CDH13: variants seen among roughly 807,000 people sequenced by gnomAD.
CDH13 encodes cadherin 13.
In CDH13, 24 loss-of-function variants were observed where a neutral mutation model predicts 63.8. The observed-to-expected ratio is 0.38, with a 90% CI of 0.27 to 0.53. The LOEUF (loss-of-function observed/expected upper bound fraction) is 0.53. Ranked by LOEUF, CDH13 falls within the 20% of genes least tolerant of loss-of-function variation. The pLI is 0.85. For synonymous variants in CDH13, 503 were observed against 355.3 expected, an observed-to-expected ratio of 1.42 and a Z score of -4.67; for missense variants, 1,049 against 903.1, an observed-to-expected ratio of 1.16 and a Z score of -2.07.
chr16:83,793,121 C>A (rs1474034125), intron 13 of CDH13, among the ~76,000 whole-genome samples: 1 of 152,002 alleles, frequency 6.6e-6, no homozygotes, highest in African/African-American at 2.4e-5. Flanking sequence ...TTTGATGGAG[C>A]AAGACTGTAA....
At chr16:82,959,981 C>T (rs1172277408) in intron 2 of CDH13, among the ~76,000 whole-genome samples, 3 of 152,132 alleles carry the variant, frequency 2.0e-5, no homozygotes, top group Admixed American at 6.5e-5. Flanking sequence ...TTTAAAAAAA[C>T]ATTGCTAAAC....
At chr16:83,189,097 G>C (rs184163906) in intron 4 of CDH13, among the ~76,000 whole-genome samples, 10 of 152,328 alleles carry the variant, frequency 6.6e-5, no homozygotes, top group Non-Finnish European at 1.2e-4. Flanking sequence ...TCGATGCCCT[G>C]TTTCAACAAA....
chr16:83,106,165 C>G (rs1235021838), intron 3 of CDH13, among the ~76,000 whole-genome samples: 3 of 152,182 alleles, frequency 2.0e-5, no homozygotes, highest in African/African-American at 4.8e-5. Flanking sequence ...TACAGAAAAA[C>G]AAGCAAAAGC....
intron 1 of CDH13, among the ~76,000 whole-genome samples, chr16:82,629,787 GT>G (rs1195177059): frequency 1.3e-5 from 2 of 152,222 alleles, no homozygotes; most frequent in Non-Finnish European, 2.9e-5. Flanking sequence ...CCCCTGGGGT[GT>G]TTTGGGAAAG....
Position 82,963,669 on chromosome 16 carries a change from C to G in CDH13, c.158-68341C>G, listed in dbSNP as rs528884393. 2.0e-5 allele frequency among the ~76,000 whole-genome samples: 3 copies of G among 152,320 alleles called. No individual in the cohort carries two copies. In the South Asian group the frequency reaches 6.2e-4, roughly 32 times the overall value. ...ATGGGGAGAGAGCGCATATCTGCTT[C>G]GTATTTCCCCCCTAAATCCTCAACA... On this transcript the variant is annotated intron_variant, in intron 2 of 13. Transcript: ENST00000567109.
chr16:83,676,997 C>G lies in CDH13; in HGVS notation c.1285-1211C>G, dbSNP rs1487098776. On this transcript the variant is annotated intron_variant, in intron 9 of 13. Coordinates refer to ENST00000567109, the MANE Select transcript of CDH13 (RefSeq NM_001257.5). ...TTTTAGTTGAGTGTAAATCAAATCTCTTGACTTATTTAGTCTTGTCCTTCT... is the reference window on the plus strand; with the variant it reads ...TTTTAGTTGAGTGTAAATCAAATCTGTTGACTTATTTAGTCTTGTCCTTCT... Among the ~76,000 whole-genome samples the G allele has an allele frequency of 3.9e-5, 6 of 152,314 alleles. No homozygotes were observed. In the South Asian group the frequency reaches 1.2e-3, roughly 32 times the overall value.
intron 2 of CDH13, among the ~76,000 whole-genome samples, chr16:82,942,257 G>A (rs760164811): frequency 3.9e-5 from 6 of 152,096 alleles, no homozygotes; most frequent in African/African-American, 9.7e-5. Flanking sequence ...AGTTGCTGCC[G>A]CAAAATGTAT....
intron 4 of CDH13, among the ~76,000 whole-genome samples, chr16:83,216,421 T>TAA (rs1291128489): frequency 5.1e-5 from 5 of 98,418 alleles, no homozygotes; most frequent in African/African-American, 1.1e-4. Context: ...TATATATATA[T>TAA]ATATATATAT....
intron 7 of CDH13, among the ~76,000 whole-genome samples, chr16:83,522,836 C>G (rs1290771817): frequency 6.6e-6 from 1 of 152,162 alleles, no homozygotes; most frequent in Admixed American, 6.5e-5. Flanking sequence ...TTCAATTCCC[C>G]TCCACCCCAA....
intron 2 of CDH13, among the ~76,000 whole-genome samples, chr16:82,876,909 T>A (rs1455982219): frequency 6.6e-6 from 1 of 152,126 alleles, no homozygotes; most frequent in East Asian, 1.9e-4. Context: ...AGAAAAAAAG[T>A]ATCTGGGAAC....
At chr16:83,024,138 G>A (rs879442248) in intron 2 of CDH13, among the ~76,000 whole-genome samples, 43 of 152,286 alleles carry the variant, frequency 2.8e-4, no homozygotes, top group African/African-American at 9.9e-4. Flanking sequence ...GGGTTGGATG[G>A]CAAGGAATGT....
chr16:83,541,227 C>T (rs1172058001), intron 7 of CDH13, among the ~76,000 whole-genome samples: 1 of 152,044 alleles, frequency 6.6e-6, no homozygotes, highest in Non-Finnish European at 1.5e-5. Flanking sequence ...AGGAAGCTGC[C>T]CAACACTCTT....
chr16:83,658,338 C>G (rs1157820529), intron 8 of CDH13, among the ~76,000 whole-genome samples: 1 of 38,144 alleles, frequency 2.6e-5, no homozygotes, highest in Non-Finnish European at 6.0e-5. Context: ...GGTCCCATAT[C>G]CTCACCAGCA....
At chr16:83,461,547 C>T (rs1377005288) in intron 6 of CDH13, among the ~76,000 whole-genome samples, 1 of 152,168 alleles carries the variant, frequency 6.6e-6, no homozygotes, top group Admixed American at 6.5e-5. Context: ...GCAATTCATG[C>T]ACAAACAATA....
chr16:83,242,350 G>C (rs1012632322), intron 5 of CDH13, among the ~76,000 whole-genome samples: 1 of 152,204 alleles, frequency 6.6e-6, no homozygotes, highest in African/African-American at 2.4e-5. Context: ...GAGAGACACA[G>C]GTACTCTGAA....
chr16:83,359,391 A>G (rs748267691), intron 6 of CDH13, among the ~76,000 whole-genome samples: 5 of 152,202 alleles, frequency 3.3e-5, no homozygotes, highest in Non-Finnish European at 5.9e-5. Flanking sequence ...ACAAAATGCC[A>G]CGTGGGTCAC....
At chr16:83,171,082 G>A (rs989980407) in intron 4 of CDH13, among the ~76,000 whole-genome samples, 2 of 152,078 alleles carry the variant, frequency 1.3e-5, no homozygotes, top group Non-Finnish European at 1.5e-5. Flanking sequence ...AAGAGAAGAG[G>A]TTTAATTCGC....
chr16:83,764,025 C>G (rs1193039682), intron 11 of CDH13, among the ~76,000 whole-genome samples: 1 of 152,140 alleles, frequency 6.6e-6, no homozygotes, highest in African/African-American at 2.4e-5. Context: ...GAAGATAATG[C>G]CATCTGCCTG....
chr16:83,766,503 C>A (rs1182151428), intron 11 of CDH13, among the ~76,000 whole-genome samples: 1 of 152,248 alleles, frequency 6.6e-6, no homozygotes, highest in Admixed American at 6.5e-5. Context: ...ATTGTTCACA[C>A]AGACAACCTC....
Sources: allele counts gnomAD v4.1 joint callset (sites outside exome capture counted in the v4.1 genomes callset), GRCh38; gene constraint gnomAD v4.1.1; transcripts MANE v1.5; gene names NCBI Gene and HGNC (gene_info 2026-07-23, HGNC 2026-07-21).